The following HNRNPM variants were observed in gnomAD, a reference collection of about 807,000 sequenced individuals.
HNRNPM encodes the protein heterogeneous nuclear ribonucleoprotein M.
Under a neutral mutation model 73.1 loss-of-function variants are expected in HNRNPM, and 11 were observed. That is an observed-to-expected ratio of 0.15 (90% CI 0.09 to 0.25). The LOEUF is 0.25. Ranked by LOEUF, HNRNPM falls within the 10% of genes least tolerant of loss-of-function variation. The pLI is 1.00. For synonymous variants in HNRNPM, 407 were observed against 355.2 expected (o/e 1.15, Z -1.64); for missense variants, 789 against 1,067.9 (o/e 0.74, Z 3.64).
At chr19:8,484,434 A>G (rs1366494065) in intron 13 of HNRNPM, among the ~76,000 whole-genome samples, 1 of 151,896 alleles carries the variant, frequency 6.6e-6, no homozygotes, top group African/African-American at 2.4e-5. Context: ...TGGCCTCCCA[A>G]AGTACTGGGA....
chr19:8,476,578 A>AG (rs1970523843), intron 12 of HNRNPM, among the ~76,000 whole-genome samples: 1 of 68,378 alleles, frequency 1.5e-5, no homozygotes, highest in African/African-American at 6.3e-5. Flanking sequence ...AAAAAAAAAA[A>AG]AGAGAGATTG....
chr19:8,472,189 A>G (rs1200425879), intron 10 of HNRNPM, among the ~76,000 whole-genome samples: 1 of 151,810 alleles, frequency 6.6e-6, no homozygotes, highest in Non-Finnish European at 1.5e-5. Context: ...AAAAAAAAAA[A>G]AAACCTGCAT....
chr19:8,485,420 G>C, intron 13 of HNRNPM, among the ~76,000 whole-genome samples, 183 bp from the exon 14 acceptor site: 1 of 152,152 alleles, frequency 6.6e-6, no homozygotes, highest in Non-Finnish European at 1.5e-5. Context: ...GAGAATGCTG[G>C]GAGGCCCCCA....
intron 12 of HNRNPM, among the ~76,000 whole-genome samples, chr19:8,479,101 T>TTC (rs1568294291): frequency 2.1e-5 from 3 of 143,350 alleles, no homozygotes; most frequent in Non-Finnish European, 3.0e-5. Flanking sequence ...TTTTTTTTTT[T>TTC]TCAAGACAGA....
At chr19:8,451,831 CT>C (rs1248041236) in intron 1 of HNRNPM, among the ~76,000 whole-genome samples, 1 of 152,118 alleles carries the variant, frequency 6.6e-6, no homozygotes, top group East Asian at 1.9e-4. Flanking sequence ...CATGGCCAGT[CT>C]GCTTGAATAT....
chr19:8,488,743 T>G lies in HNRNPM; in HGVS notation c.2082T>G (p.Cys694Trp). The stretch of plus-strand genomic sequence containing the variant: ...TGGAGAATGGGAAGTCCAAGGGGTG[T>G]GGCGTGGTTAAGTTCGAGTCGCCAG... The part of the protein sequence containing the change: ...IKMENGKSKG[C>W]GVVKFESPEV... The change falls in exon 16 of 16, where the codon TGT becomes TGG. Residue 694 changes from cysteine (C) to tryptophan (W), a missense_variant. Coordinates refer to ENST00000325495, the MANE Select transcript of HNRNPM (RefSeq NM_005968.5). The G allele has an allele frequency of 1.9e-6, 3 of 1,613,826 alleles. No individual in the cohort carries two copies. Among genetic ancestry groups the G allele is most frequent in the Non-Finnish European group, 2.5e-6 (3 of 1,179,816 alleles).
At chr19:8,479,168 C>T (rs115484558) in intron 12 of HNRNPM, among the ~76,000 whole-genome samples, 1,876 of 146,606 alleles carry the variant, frequency 0.013, 32 homozygotes, top group African/African-American at 0.044. Flanking sequence ...TCACTGCGGC[C>T]TCCACCTCCC....
chr19:8,465,534 C>G lies in HNRNPM; in HGVS notation c.630+19C>G. On this transcript the variant is annotated intron_variant, in intron 6 of 15. Coordinates refer to ENST00000325495, the MANE Select transcript of HNRNPM (RefSeq NM_005968.5). ...AGCAAATGTAAGTAAACAGAACCAT[C>G]GTCTAAAGTAGAAAATCAGAACTTT... The G allele has an allele frequency of 6.6e-7, 1 of 1,512,660 alleles. No homozygotes were observed. The highest frequency in any genetic ancestry group is 9.0e-7 in the Non-Finnish European group (1 of 1,110,098). The allele number at this position is 1,512,660 out of a possible 1,614,324, so 93.7% of individuals were successfully genotyped here.
intron 13 of HNRNPM, among the ~76,000 whole-genome samples, chr19:8,484,773 C>T (rs936245542): frequency 1.3e-5 from 2 of 152,130 alleles, no homozygotes; most frequent in African/African-American, 2.4e-5. Context: ...GACAGGGTTT[C>T]GGGGAGGAGC....
intron 8 of HNRNPM, 67 bp downstream of exon 8, chr19:8,467,651 G>A: frequency 9.1e-7 from 1 of 1,095,898 alleles, no homozygotes; most frequent in Middle Eastern, 2.2e-4. Context: ...TAATAAGAGT[G>A]TACATATAGC....
intron 13 of HNRNPM, 113 bp downstream of exon 13, chr19:8,483,324 G>C: frequency 7.8e-6 from 6 of 772,510 alleles, no homozygotes; most frequent in Non-Finnish European, 1.4e-5. Context: ...CCCGGGGTGG[G>C]AGCAGCTCTG....
intron 7 of HNRNPM, 98 bp downstream of exon 7, chr19:8,466,486 A>ACTGTG: frequency 2.2e-5 from 26 of 1,199,320 alleles, no homozygotes; most frequent in Non-Finnish European, 3.0e-5. Flanking sequence ...GTGTGTATTC[A>ACTGTG]TGTTTTTTAT....
chr19:8,451,464 A>T (rs1297117561), intron 1 of HNRNPM, among the ~76,000 whole-genome samples: 2 of 140,396 alleles, frequency 1.4e-5, no homozygotes, highest in Non-Finnish European at 3.0e-5. Flanking sequence ...TGGACATGTT[A>T]AAAAAAGAGC....
intron 1 of HNRNPM, among the ~76,000 whole-genome samples, chr19:8,451,054 C>T (rs948709700): frequency 6.6e-6 from 1 of 152,074 alleles, no homozygotes; most frequent in African/African-American, 2.4e-5. Context: ...TTACAGGCGC[C>T]TGCCACCACG....
At position 8,463,499 on chromosome 19, in the gene HNRNPM, A is replaced by T. The variant is rs773951691; in HGVS notation, c.339A>T (p.Gly113=). 8 of 1,613,392 alleles carry T rather than the reference A, an allele frequency of 5.0e-6. No individual in the cohort carries two copies. The East Asian group carries it at 1.8e-4, about 36-fold the overall frequency. The change falls in exon 4 of 16, where the codon GGA becomes GGT. Residue 113 remains glycine (G), a splice_region_variant and synonymous_variant. Coordinates refer to ENST00000325495, the MANE Select transcript of HNRNPM (RefSeq NM_005968.5). ...LLMDAEGKSR[G]CAVVEFKMEE... ...CTGGTCTCTGGCTTCCTCCAAAGGG[A>T]TGTGCGTAAGTATCGTCTAGTTACT...
At chr19:8,459,591 T>C (rs553090651) in intron 2 of HNRNPM, among the ~76,000 whole-genome samples, 36 of 152,288 alleles carry the variant, frequency 2.4e-4, no homozygotes, top group Admixed American at 1.0e-3. Context: ...AAAAAAAATA[T>C]ATAGGTCTTA....
chr19:8,445,689 G>C (rs1423559517), intron 1 of HNRNPM: 3 of 152,336 alleles, frequency 2.0e-5, no homozygotes, highest in Non-Finnish European at 4.4e-5. Context: ...CGCGCTCCGC[G>C]GGAAGTGCCT....
In HNRNPM at chr19:8,446,403, A is replaced by C. The variant is rs183639994; in HGVS notation, c.113+1292A>C. Among the ~76,000 whole-genome samples the C allele has an allele frequency of 2.2e-4, 33 of 152,260 alleles. 1 individual carries two copies. The East Asian group carries it at 6.2e-3, about 28-fold the overall frequency. On this transcript the variant is annotated intron_variant, in intron 1 of 15. Coordinates refer to ENST00000325495, the MANE Select transcript of HNRNPM (RefSeq NM_005968.5). ...AGATTAAAAGTGAATGCGGTTGAGC[A>C]CTTATATATTTAATTTTTTTCTTTG...
intron 12 of HNRNPM, among the ~76,000 whole-genome samples, chr19:8,482,306 C>T (rs1970976511): frequency 6.6e-6 from 1 of 152,164 alleles, no homozygotes; most frequent in Admixed American, 6.5e-5. Flanking sequence ...CGAAATGTGC[C>T]TCGTGGCTAA....
Sources: allele counts gnomAD v4.1 joint callset (sites outside exome capture counted in the v4.1 genomes callset), GRCh38; gene constraint gnomAD v4.1.1; transcripts MANE v1.5; gene names NCBI Gene and HGNC (gene_info 2026-07-23, HGNC 2026-07-21).